Variants in SUMF1 observed in about 807,000 individuals in gnomAD.
The protein encoded by SUMF1 is formylglycine-generating enzyme.
In SUMF1, 48 loss-of-function variants were observed where a neutral mutation model predicts 47.6. The observed-to-expected ratio is 1.01, with a 90% confidence interval of 0.80 to 1.28. The LOEUF (loss-of-function observed/expected upper bound fraction) is 1.28. Among genes scored for constraint, SUMF1 ranks in the 50% most tolerant of loss-of-function variants. SUMF1 has a pLI of 0.00. For missense variants in SUMF1, 571 were observed against 485.4 expected, an observed-to-expected ratio of 1.18 and a Z score of -1.66; for synonymous variants, 230 against 192.1, an observed-to-expected ratio of 1.20 and a Z score of -1.63.
At chr3:4,194,752 C>A (rs1332648051) in intron 8 of SUMF1, among the ~76,000 whole-genome samples, 2 of 152,062 alleles carry the variant, frequency 1.3e-5, no homozygotes, top group African/African-American at 4.8e-5. Flanking sequence ...ATAAAATATA[C>A]TGTAATAATT....
chr3:4,435,199 C>CTA (rs1239866099), intron 3 of SUMF1, among the ~76,000 whole-genome samples: 2 of 152,056 alleles, frequency 1.3e-5, no homozygotes, highest in Non-Finnish European at 2.9e-5. Context: ...AGTGCTGGGA[C>CTA]TACAGGCTTG....
chr3:4,094,928 A>G (rs1692869637), intron 8 of SUMF1, among the ~76,000 whole-genome samples: 1 of 152,152 alleles, frequency 6.6e-6, no homozygotes, highest in African/African-American at 2.4e-5. Context: ...TACTTTGAGG[A>G]GGCATCTCAT....
chr3:4,270,913 T>C (rs1697289468), intron 8 of SUMF1, among the ~76,000 whole-genome samples: 1 of 152,322 alleles, frequency 6.6e-6, no homozygotes, highest in South Asian at 2.1e-4. Flanking sequence ...TGAAACCAAA[T>C]CATGTAAAAC....
intron 8 of SUMF1, among the ~76,000 whole-genome samples, chr3:4,139,767 A>G (rs1279086982): frequency 2.0e-5 from 3 of 151,126 alleles, no homozygotes; most frequent in Non-Finnish European, 3.0e-5. Flanking sequence ...TAGGCTGACA[A>G]GTAAAAAAAA....
At chr3:4,084,127 T>C (rs752085007) in intron 8 of SUMF1, among the ~76,000 whole-genome samples, 4 of 152,140 alleles carry the variant, frequency 2.6e-5, no homozygotes, top group Admixed American at 2.6e-4. Context: ...TGACCCCCAC[T>C]CTAATTCCTT....
intron 8 of SUMF1, among the ~76,000 whole-genome samples, chr3:4,162,931 T>C (rs1406591148): frequency 6.6e-6 from 1 of 151,010 alleles, no homozygotes; most frequent in Non-Finnish European, 1.5e-5. Context: ...TTGAAAGTAA[T>C]GAAAGAAAAA....
intron 1 of SUMF1, among the ~76,000 whole-genome samples, chr3:4,461,887 G>C (rs2079823621): frequency 1.3e-5 from 2 of 152,180 alleles, no homozygotes. Flanking sequence ...CTTCACTGAA[G>C]GTTCAAATTC....
chr3:4,237,811 G>A (rs1371375087), intron 8 of SUMF1, among the ~76,000 whole-genome samples: 1 of 152,010 alleles, frequency 6.6e-6, no homozygotes, highest in Admixed American at 6.6e-5. Context: ...TTTAAGTGCT[G>A]GGATACATGT....
intron 8 of SUMF1, among the ~76,000 whole-genome samples, chr3:4,294,461 C>T (rs937627628): frequency 2.0e-5 from 3 of 152,048 alleles, no homozygotes; most frequent in African/African-American, 7.2e-5. Context: ...CTGCAAAGGA[C>T]GCTGAGGCAG....
intron 8 of SUMF1, among the ~76,000 whole-genome samples, chr3:4,281,551 C>T (rs886748117): frequency 1.3e-5 from 2 of 152,080 alleles, no homozygotes; most frequent in African/African-American, 2.4e-5. Flanking sequence ...GCAGAACCAG[C>T]GCTCTGAGAC....
intron 8 of SUMF1, among the ~76,000 whole-genome samples, chr3:4,133,799 C>T (rs894163197): frequency 6.6e-6 from 1 of 151,948 alleles, no homozygotes; most frequent in Admixed American, 6.6e-5. Flanking sequence ...TAATAAACTC[C>T]CCTTTATATA....
rs1018720373 is a variant in SUMF1, at chr3:4,467,186, G to C, written c.60C>G (p.Leu20=). 3 of 1,610,418 alleles carry C rather than the reference G, an allele frequency of 1.9e-6. No individual in the cohort carries two copies. The African/African-American group carries it at 4.0e-5, about 22-fold the overall frequency. Reference sequence around the variant, plus strand: ...ACAGCAGCGAGAGCAGCAGCAGCAAGAGGACGAGACCCAGCTCAGGGCAAC... The same window carrying C: ...ACAGCAGCGAGAGCAGCAGCAGCAACAGGACGAGACCCAGCTCAGGGCAAC... The part of the protein sequence containing the change: ...CGRCPELGLV[L]LLLLLSLLCG... The change falls in exon 1 of 9, where the codon CTC becomes CTG. Residue 20 remains leucine, a synonymous_variant. Coordinates refer to ENST00000272902, the MANE Select transcript of SUMF1 (RefSeq NM_182760.4).
chr3:4,171,620 GAT>G (rs1559533493), intron 8 of SUMF1, among the ~76,000 whole-genome samples: 1 of 152,138 alleles, frequency 6.6e-6, no homozygotes, highest in Non-Finnish European at 1.5e-5. Context: ...ATAACCCTCT[GAT>G]ATGGAAGCAC....
chr3:4,145,485 T>C (rs1408638842), intron 8 of SUMF1, among the ~76,000 whole-genome samples: 2 of 152,146 alleles, frequency 1.3e-5, no homozygotes, highest in African/African-American at 4.8e-5. Context: ...CTTGTCCCTC[T>C]TGTTCTGGCC....
intron 6 of SUMF1, among the ~76,000 whole-genome samples, chr3:4,413,108 G>C (rs191840421): frequency 2.0e-5 from 3 of 151,854 alleles, no homozygotes; most frequent in Non-Finnish European, 4.4e-5. Context: ...AGGCTCAAGC[G>C]ATCCTCTCAG....
At chr3:4,035,776 G>C (rs78218427) in intron 9 of SUMF1, among the ~76,000 whole-genome samples, 2 of 152,106 alleles carry the variant, frequency 1.3e-5, no homozygotes, top group Non-Finnish European at 2.9e-5. Flanking sequence ...GTGAGGATTC[G>C]AATAATGTCT....
intron 8 of SUMF1, among the ~76,000 whole-genome samples, chr3:4,217,191 AG>A (rs1331715416): frequency 6.6e-6 from 1 of 152,060 alleles, no homozygotes; most frequent in Non-Finnish European, 1.5e-5. Context: ...GCCATAAAAA[AG>A]GATGAGTTCA....
At chr3:4,284,475 A>C (rs929167599) in intron 8 of SUMF1, among the ~76,000 whole-genome samples, 1 of 142,400 alleles carries the variant, frequency 7.0e-6, no homozygotes, top group Non-Finnish European at 1.6e-5. Context: ...GAGGAGGAGA[A>C]GGAGGAGGAG....
At chr3:4,169,524 C>A (rs971379706) in intron 8 of SUMF1, among the ~76,000 whole-genome samples, 2 of 152,164 alleles carry the variant, frequency 1.3e-5, no homozygotes, top group African/African-American at 4.8e-5. Context: ...AAAGGATCCA[C>A]TAGAGCCTTT....
Sources: gnomAD v4.1 joint callset for allele counts (sites outside exome capture counted in the v4.1 genomes callset) on GRCh38, gnomAD v4.1.1 for gene constraint, MANE v1.5 for transcripts, NCBI Gene and HGNC (gene_info 2026-07-23, HGNC 2026-07-21) for gene names.